SPSB1: variants seen among roughly 807,000 people sequenced by gnomAD.
SPSB1 encodes SPRY domain-containing SOCS box protein 1.
Under a neutral mutation model 21.2 loss-of-function variants are expected in SPSB1, and 8 were observed. That is an observed-to-expected ratio of 0.38 (90% CI 0.22 to 0.68). The LOEUF (loss-of-function observed/expected upper bound fraction) is 0.68, where lower values mean the gene tolerates loss of function less well. SPSB1 is among the 30% of genes least tolerant of loss of function. The probability of loss-of-function intolerance (pLI) is 0.53; values close to 1 mark genes in which losing one functional copy is unlikely to be tolerated. For synonymous variants in SPSB1, 169 were observed against 161.7 expected (o/e 1.05, Z -0.34); for missense variants, 242 against 377.8 (o/e 0.64, Z 2.98).
In SPSB1 at chr1:9,348,528, A is replaced by G. The variant is rs935315215; in HGVS notation, c.-149-7215A>G. On this transcript the variant is annotated intron_variant, in intron 1 of 2. Transcript: ENST00000328089. The surrounding 1 kb of genome is among the most constrained non-coding windows in gnomAD (Gnocchi z 4.8). Reference sequence around the variant, plus strand: ...ACAGTGCACTTTGGGGATGCTTTTGACTCCTCCCCATCCCCTGGGATCAGC... The same window carrying G: ...ACAGTGCACTTTGGGGATGCTTTTGGCTCCTCCCCATCCCCTGGGATCAGC... Among the ~76,000 whole-genome samples the G allele has an allele frequency of 1.3e-5, 2 of 148,848 alleles. No individual in the cohort carries two copies. The highest frequency in any genetic ancestry group is 5.0e-5 in the African/African-American group (2 of 40,170).
chr1:9,323,394 C>T (rs1181206793), intron 1 of SPSB1, among the ~76,000 whole-genome samples: 2 of 152,200 alleles, frequency 1.3e-5, no homozygotes, highest in African/African-American at 4.8e-5. Flanking sequence ...CCCTGGCTGG[C>T]TGTGGAGCCT....
rs1295790131 is a variant in SPSB1 at position 9,345,440 on chromosome 1, A to G, written c.-149-10303A>G. On this transcript the variant is annotated intron_variant, in intron 1 of 2. Transcript: ENST00000328089. This position sits in a 1 kb window ranked among gnomAD's most constrained non-coding sequence, Gnocchi z 4.8. ...AGGCAGTGTCGGTGGTCCATAGTCC[A>G]CGTTTTATTCCTCTTGCCGTGGGAG... 1.3e-5 allele frequency among the ~76,000 whole-genome samples: 2 copies of G among 151,754 alleles called. No homozygotes were observed. The highest frequency in any genetic ancestry group is 1.5e-5 in the Non-Finnish European group (1 of 67,962).
intron 1 of SPSB1, among the ~76,000 whole-genome samples, chr1:9,354,780 G>A (rs1430428772): frequency 6.6e-6 from 1 of 151,110 alleles, no homozygotes; most frequent in Non-Finnish European, 1.5e-5. Flanking sequence ...CAGCCTGGGC[G>A]ACAGAGCAAG....
intron 1 of SPSB1, among the ~76,000 whole-genome samples, chr1:9,329,169 A>C (rs1158460086): frequency 2.0e-5 from 3 of 152,166 alleles, no homozygotes; most frequent in Non-Finnish European, 4.4e-5. Context: ...TGTATGAAGC[A>C]GTGTGAGGGG....
Position 9,321,179 on chromosome 1 carries a change from CCTT to C in SPSB1, c.-150+28112_-150+28114del, listed in dbSNP as rs1276321099. 6.6e-6 allele frequency among the ~76,000 whole-genome samples: 1 copy of C among 151,272 alleles called. No homozygotes were observed. Among genetic ancestry groups the C allele is most frequent in the Non-Finnish European group, 1.5e-5 (1 of 67,892 alleles). ...CACAAAGCTGGAAAAAGCTCTTAAA[CCTT>C]CTTAGTTTAGTCTGCAGAGGCGTCT... On this transcript the variant is annotated intron_variant, in intron 1 of 2. Coordinates refer to ENST00000328089, the MANE Select transcript of SPSB1 (RefSeq NM_025106.4). This position sits in a 1 kb window ranked among gnomAD's most constrained non-coding sequence, Gnocchi z 4.8.
intron 1 of SPSB1, among the ~76,000 whole-genome samples, chr1:9,304,605 A>G (rs1319963717): frequency 6.6e-6 from 1 of 152,160 alleles, no homozygotes; most frequent in Non-Finnish European, 1.5e-5. Flanking sequence ...TGTGGGGTGT[A>G]GAGAAGGGTG....
In SPSB1 at chr1:9,321,506, A is replaced by G. The variant is rs1323189939; in HGVS notation, c.-150+28435A>G. On this transcript the variant is annotated intron_variant, in intron 1 of 2. Transcript: ENST00000328089. The surrounding 1 kb of genome is among the most constrained non-coding windows in gnomAD (Gnocchi z 4.8). ...GTTCTGTTCTCCAGACCTTTACCGAACACTTACTGCGTGCCAAGGATTCAG... is the reference window on the plus strand; with the variant it reads ...GTTCTGTTCTCCAGACCTTTACCGAGCACTTACTGCGTGCCAAGGATTCAG... Among the ~76,000 whole-genome samples, 1 of 152,158 alleles carries G rather than the reference A, an allele frequency of 6.6e-6. No homozygotes were observed. The highest frequency in any genetic ancestry group is 1.5e-5 in the Non-Finnish European group (1 of 68,032).
At chr1:9,351,530 G>A (rs879782444) in intron 1 of SPSB1, 1 of 152,042 alleles carries the variant, frequency 6.6e-6, no homozygotes, top group Admixed American at 6.6e-5. Context: ...GGTGGCCGGA[G>A]CTACTGTCTC....
chr1:9,339,064 T>C (rs1053574759), intron 1 of SPSB1, among the ~76,000 whole-genome samples: 3 of 152,246 alleles, frequency 2.0e-5, no homozygotes, highest in Admixed American at 6.5e-5. Context: ...CCGCTTCCCC[T>C]TGGAGACGGT....
chr1:9,325,183 C>T (rs558008172), intron 1 of SPSB1, among the ~76,000 whole-genome samples: 1 of 151,538 alleles, frequency 6.6e-6, no homozygotes, highest in Admixed American at 6.6e-5. Context: ...CCAAGAAGAC[C>T]TGTACTCCGC....
At chr1:9,311,163 T>G (rs1356116379) in intron 1 of SPSB1, among the ~76,000 whole-genome samples, 6 of 125,056 alleles carry the variant, frequency 4.8e-5, no homozygotes, top group African/African-American at 1.4e-4. Context: ...ATAAAGGGTT[T>G]TTTTTTTTTT....
rs1640615730 is a variant in SPSB1 at position 9,368,622 on chromosome 1, C to G, written c.*1047C>G. On this transcript the variant is annotated 3_prime_UTR_variant, in exon 3 of 3. Coordinates refer to ENST00000328089, the MANE Select transcript of SPSB1 (RefSeq NM_025106.4). Reference sequence around the variant, plus strand: ...TTTTGCTTTTCTAGCTGAGATTTCCCAAGTGCATCCTCAGAAGCTCTGGGT... The same window carrying G: ...TTTTGCTTTTCTAGCTGAGATTTCCGAAGTGCATCCTCAGAAGCTCTGGGT... 6.6e-6 allele frequency: 1 copy of G among 152,074 alleles called. No homozygotes were observed. The highest frequency in any genetic ancestry group is 2.1e-4 in the South Asian group (1 of 4,812). 9.4% of individuals were successfully genotyped at this position (152,074 alleles called of 1,614,324 possible). A position where few individuals can be genotyped will look rare whatever the true frequency, so the allele number is the denominator to read the frequency against.
At position 9,293,575 on chromosome 1, in the gene SPSB1, C is replaced by A. The variant is rs530231962; in HGVS notation, c.-150+504C>A. Among the ~76,000 whole-genome samples the A allele has an allele frequency of 6.6e-6, 1 of 151,978 alleles. No individual in the cohort carries two copies. The highest frequency in any genetic ancestry group is 2.1e-4 in the South Asian group (1 of 4,826). Reference sequence around the variant, plus strand: ...GCGCCCCCACCCTCCCGCAGCGCCTCCCCCAGGGAGCCTGCCGGGGACACC... The same window carrying A: ...GCGCCCCCACCCTCCCGCAGCGCCTACCCCAGGGAGCCTGCCGGGGACACC... On this transcript the variant is annotated intron_variant, in intron 1 of 2. Coordinates refer to ENST00000328089, the MANE Select transcript of SPSB1 (RefSeq NM_025106.4). This position sits in a 1 kb window ranked among gnomAD's most constrained non-coding sequence, Gnocchi z 5.1.
intron 2 of SPSB1, among the ~76,000 whole-genome samples, chr1:9,364,762 A>G (rs373490373): frequency 9.8e-5 from 15 of 152,306 alleles, no homozygotes; most frequent in East Asian, 7.7e-4. Flanking sequence ...TCCATGGGGG[A>G]TGAAGAGCAG....
intron 1 of SPSB1, among the ~76,000 whole-genome samples, chr1:9,320,127 C>A (rs71641088): frequency 6.6e-6 from 1 of 152,198 alleles, no homozygotes; most frequent in Non-Finnish European, 1.5e-5. Context: ...TGCTTCTCAC[C>A]GGCCCCACCC....
At chr1:9,334,554 C>G (rs2100495468) in intron 1 of SPSB1, among the ~76,000 whole-genome samples, 1 of 152,304 alleles carries the variant, frequency 6.6e-6, no homozygotes, top group Non-Finnish European at 1.5e-5. Flanking sequence ...TTTAAGAGTT[C>G]AGTGGCATTA....
Position 9,352,931 on chromosome 1 carries a change from C to T in SPSB1, c.-149-2812C>T, listed in dbSNP as rs1354174582. 2.0e-5 allele frequency among the ~76,000 whole-genome samples: 3 copies of T among 148,798 alleles called. No homozygotes were observed. The East Asian group carries it at 6.0e-4, about 30-fold the overall frequency. ...ACAGACGAGATCCCGGGAGAAAGGT[C>T]CTCCCTGCTGCCACAGTTGAGCGGC... On this transcript the variant is annotated intron_variant, in intron 1 of 2. Coordinates refer to ENST00000328089, the MANE Select transcript of SPSB1 (RefSeq NM_025106.4).
chr1:9,324,940 G>A lies in SPSB1; in HGVS notation c.-149-30803G>A, dbSNP rs574920622. Among the ~76,000 whole-genome samples, 2 of 152,228 alleles carry A rather than the reference G, an allele frequency of 1.3e-5. No individual in the cohort carries two copies. On this transcript the variant is annotated intron_variant, in intron 1 of 2. Transcript: ENST00000328089. This position sits in a 1 kb window ranked among gnomAD's most constrained non-coding sequence, Gnocchi z 4.3. ...TGGGGTGGGGGAGCAGGGACACCCG[G>A]CCTGGCGGGCTGGTGGATCGGAGGC...
intron 1 of SPSB1, among the ~76,000 whole-genome samples, chr1:9,296,272 T>G (rs889886474): frequency 6.6e-6 from 1 of 152,176 alleles, no homozygotes; most frequent in Non-Finnish European, 1.5e-5. Flanking sequence ...TTTGCCTCCA[T>G]GTCCATTCTG....
Sources: allele counts gnomAD v4.1 joint callset (sites outside exome capture counted in the v4.1 genomes callset), GRCh38; gene constraint gnomAD v4.1.1; non-coding constraint Gnocchi (gnomAD v3.1); transcripts MANE v1.5; gene names NCBI Gene and HGNC (gene_info 2026-07-23, HGNC 2026-07-21).